Variants in CACNA1A observed in about 807,000 individuals in gnomAD.
The protein encoded by CACNA1A is voltage-dependent P/Q-type calcium channel subunit alpha-1A.
CACNA1A carries 57 observed loss-of-function variants against 262.4 expected under a neutral mutation model. The ratio of observed to expected loss-of-function variants is 0.22; its 90% CI spans 0.18 to 0.27. The LOEUF (loss-of-function observed/expected upper bound fraction) is 0.27, where lower values mean the gene tolerates loss of function less well. CACNA1A is among the 10% of genes least tolerant of loss of function. CACNA1A has a pLI of 1.00. For missense variants in CACNA1A, 2,526 were observed against 3,562.8 expected (o/e 0.71, Z 7.41); for synonymous variants, 1,431 against 1,419.3 (o/e 1.01, Z -0.18).
intron 38 of CACNA1A, among the ~76,000 whole-genome samples, chr19:13,216,238 T>A (rs2055007129): frequency 6.6e-6 from 1 of 152,072 alleles, no homozygotes; most frequent in Admixed American, 6.6e-5. Flanking sequence ...CATGGGGGGG[T>A]TCCTCCTGTG....
At chr19:13,282,490 G>C (rs1162902362) in intron 22 of CACNA1A, among the ~76,000 whole-genome samples, 1 of 152,056 alleles carries the variant, frequency 6.6e-6, no homozygotes, top group Non-Finnish European at 1.5e-5. Flanking sequence ...ATTCCTGCTT[G>C]TCAGGACTCA....
At chr19:13,279,335 C>T (rs987700114) in intron 22 of CACNA1A, among the ~76,000 whole-genome samples, 1 of 152,098 alleles carries the variant, frequency 6.6e-6, no homozygotes, top group South Asian at 2.1e-4. Flanking sequence ...TCATTCATTA[C>T]AGGGAAATGC....
intron 1 of CACNA1A, among the ~76,000 whole-genome samples, chr19:13,466,446 T>C (rs949225572): frequency 2.0e-5 from 3 of 152,024 alleles, no homozygotes; most frequent in Middle Eastern, 3.2e-3. Flanking sequence ...GTTCAAGCTA[T>C]TCTCGTGCCT....
chr19:13,370,624 T>C (rs2059305871), intron 4 of CACNA1A, among the ~76,000 whole-genome samples: 4 of 151,000 alleles, frequency 2.6e-5, no homozygotes, highest in Non-Finnish European at 5.9e-5. Flanking sequence ...GGTTTCGCCA[T>C]GTTGCCCAGG....
At chr19:13,379,641 C>T (rs1271607104) in intron 3 of CACNA1A, among the ~76,000 whole-genome samples, 1 of 152,146 alleles carries the variant, frequency 6.6e-6, no homozygotes, top group African/African-American at 2.4e-5. Context: ...AAAAGTGTTA[C>T]AGGGCCGGGC....
chr19:13,411,837 G>A (rs1049734429), intron 3 of CACNA1A, among the ~76,000 whole-genome samples: 1 of 152,034 alleles, frequency 6.6e-6, no homozygotes, highest in Non-Finnish European at 1.5e-5. Context: ...TCACTGTCCT[G>A]AGTAGCTGGG....
Position 13,241,174 on chromosome 19 carries a change from G to A in CACNA1A, c.4950+4008C>T, listed in dbSNP as rs2056070764. 6.6e-6 allele frequency among the ~76,000 whole-genome samples: 1 copy of A among 152,170 alleles called. No homozygotes were observed. Among genetic ancestry groups the A allele is most frequent in the African/African-American group, 2.4e-5 (1 of 41,440 alleles). On this transcript the variant is annotated intron_variant, in intron 31 of 46. Transcript: ENST00000360228. This position sits in a 1 kb window ranked among gnomAD's most constrained non-coding sequence, Gnocchi z 4.0. ...GAGTGGTGAGAGGTGGCTGGGAGTG[G>A]ATTTGCCTCTATTGTCTCTGAGTGT... is the stretch of plus-strand genomic sequence containing the variant.
At chr19:13,232,910 G>A (rs1007609528) in intron 34 of CACNA1A, among the ~76,000 whole-genome samples, 10 of 151,528 alleles carry the variant, frequency 6.6e-5, no homozygotes, top group Middle Eastern at 3.4e-3. Flanking sequence ...TTAGCTGGGC[G>A]TGGTGACGGG....
At chr19:13,466,626 C>G (rs1270899929) in intron 1 of CACNA1A, among the ~76,000 whole-genome samples, 1 of 152,082 alleles carries the variant, frequency 6.6e-6, no homozygotes, top group Non-Finnish European at 1.5e-5. Context: ...CAGGCGTGAG[C>G]CACCATGCCC....
chr19:13,340,684 C>T (rs2058663878), intron 6 of CACNA1A, among the ~76,000 whole-genome samples: 2 of 152,126 alleles, frequency 1.3e-5, no homozygotes, highest in African/African-American at 4.8e-5. Flanking sequence ...ACCTCGGCCT[C>T]CCAAAGTGCT....
intron 3 of CACNA1A, among the ~76,000 whole-genome samples, chr19:13,441,360 T>C (rs977522849): frequency 6.6e-6 from 1 of 152,100 alleles, no homozygotes. Context: ...AAAAATTATT[T>C]TTTGAGACAG....
intron 6 of CACNA1A, among the ~76,000 whole-genome samples, chr19:13,345,722 T>C (rs541303759): frequency 1.3e-5 from 2 of 152,058 alleles, no homozygotes; most frequent in Non-Finnish European, 2.9e-5. Flanking sequence ...GATTTGAGTG[T>C]GAAAAAGCTG....
At chr19:13,389,518 G>C (rs988237440) in intron 3 of CACNA1A, among the ~76,000 whole-genome samples, 3 of 152,158 alleles carry the variant, frequency 2.0e-5, no homozygotes, top group Non-Finnish European at 2.9e-5. Flanking sequence ...ACACCCCTTT[G>C]AGTGGTGCAA....
chr19:13,416,975 TAC>T (rs1568625049), intron 3 of CACNA1A, among the ~76,000 whole-genome samples: 10 of 152,208 alleles, frequency 6.6e-5, no homozygotes, highest in Non-Finnish European at 1.3e-4. Flanking sequence ...AATATCCACA[TAC>T]GGATATTAAT....
Position 13,209,385 on chromosome 19 carries a change from G to T in CACNA1A, c.6453C>A (p.His2151Gln), listed in dbSNP as rs765842344. The T allele has an allele frequency of 7.1e-7, 1 of 1,399,966 alleles. No individual in the cohort carries two copies. Among genetic ancestry groups the T allele is most frequent in the Non-Finnish European group, 9.3e-7 (1 of 1,073,520 alleles). 86.7% of individuals were successfully genotyped at this position (1,399,966 alleles called of 1,614,324 possible). A position where few individuals can be genotyped will look rare whatever the true frequency, so the allele number is the denominator to read the frequency against. ...ERVPPEENQR[H>Q]HQRRRDRSHR... ...GGCTGCGGTCGCGGCGCCGCTGGTG[G>T]TGCCGCTGGTTCTCCTCGGGCGGGA... Residue 2151 changes from histidine to glutamine, a missense_variant, in exon 45 of 47, where the codon CAC becomes CAA. By Grantham distance (24) the His-to-Gln change is conservative. Coordinates refer to ENST00000360228, the MANE Select transcript of CACNA1A (RefSeq NM_001127222.2).
intron 3 of CACNA1A, among the ~76,000 whole-genome samples, chr19:13,426,243 AT>A (rs1361880535): frequency 1.3e-5 from 2 of 152,220 alleles, no homozygotes; most frequent in Admixed American, 1.3e-4. Context: ...AATTCTTCGC[AT>A]ATTATGGGCT....
intron 30 of CACNA1A, among the ~76,000 whole-genome samples, chr19:13,251,250 G>A (rs557783136): frequency 4.6e-5 from 7 of 151,930 alleles, no homozygotes; most frequent in Admixed American, 3.3e-4. Flanking sequence ...TTGGGAGGCC[G>A]AGGCGGGCGG....
intron 5 of CACNA1A, among the ~76,000 whole-genome samples, chr19:13,360,384 CCAATTTAGA>C (rs1346954116): frequency 6.6e-6 from 1 of 151,590 alleles, no homozygotes; most frequent in Non-Finnish European, 1.5e-5. Context: ...GTACCTATCA[CCAATTTAGA>C]CACTTACCTA....
chr19:13,306,961 C>T (rs1000227534), intron 15 of CACNA1A, among the ~76,000 whole-genome samples: 2 of 152,010 alleles, frequency 1.3e-5, no homozygotes, highest in East Asian at 3.9e-4. Context: ...GTGAGTATAA[C>T]AAACTTTCTT....
Sources: allele counts gnomAD v4.1 joint callset (sites outside exome capture counted in the v4.1 genomes callset), GRCh38; gene constraint gnomAD v4.1.1; non-coding constraint Gnocchi (gnomAD v3.1); transcripts MANE v1.5; gene names NCBI Gene and HGNC (gene_info 2026-07-23, HGNC 2026-07-21).